The following CAGE1 variants were observed in gnomAD, a reference collection of about 807,000 sequenced individuals.
CAGE1 encodes cancer-associated gene 1 protein.
Under a neutral mutation model 94.9 loss-of-function variants are expected in CAGE1, and 66 were observed. The observed-to-expected ratio is 0.70, with a 90% CI of 0.57 to 0.85. The LOEUF is 0.85. Among genes scored for constraint, CAGE1 ranks in the 40% least tolerant of loss-of-function variants. CAGE1 has a pLI of 0.00. For missense variants in CAGE1, 865 were observed against 950.4 expected (o/e 0.91, Z 1.18); for synonymous variants, 319 against 321.0 (o/e 0.99, Z 0.07).
In CAGE1 at chr6:7,365,787, G is replaced by A; in HGVS notation, c.2085+17C>T. The A allele has an allele frequency of 6.9e-7, 1 of 1,449,482 alleles. No homozygotes were observed. Among genetic ancestry groups the A allele is most frequent in the Non-Finnish European group, 9.4e-7 (1 of 1,065,314 alleles). The allele number at this position is 1,449,482 out of a possible 1,614,324, so 89.8% of individuals were successfully genotyped here. ...ATTTTTATGTTAAAGATAGTACGTAGTAAATATTAAGCTCACCTTAATAGC... is the reference window on the plus strand; with the variant it reads ...ATTTTTATGTTAAAGATAGTACGTAATAAATATTAAGCTCACCTTAATAGC... On this transcript the variant is annotated intron_variant, in intron 8 of 13. Transcript: ENST00000502583.
In CAGE1 at chr6:7,339,621, T is replaced by TGTGTCCTCA. The variant is rs1322700822; in HGVS notation, c.2370-5540_2370-5532dup. On this transcript the variant is annotated intron_variant, in intron 11 of 13. Transcript: ENST00000502583. This position sits in a 1 kb window ranked among gnomAD's most constrained non-coding sequence, Gnocchi z 4.7. Reference sequence around the variant, plus strand: ...AGGCACTGTATCATTCTTATGCCTTTGTGTCCTCATAGCTTAGCTCCCACT... The same window carrying TGTGTCCTCA: ...AGGCACTGTATCATTCTTATGCCTTTGTGTCCTCAGTGTCCTCATAGCTTAGCTCCCACT... 5 of 669,060 alleles carry TGTGTCCTCA rather than the reference T, an allele frequency of 7.5e-6. No individual in the cohort carries two copies. Among genetic ancestry groups the TGTGTCCTCA allele is most frequent in the Non-Finnish European group, 1.4e-5 (5 of 368,004 alleles). 41.4% of individuals were successfully genotyped at this position (669,060 alleles called of 1,614,324 possible).
At chr6:7,358,047 T>C (rs1214563720) in intron 9 of CAGE1, among the ~76,000 whole-genome samples, 1 of 114,718 alleles carries the variant, frequency 8.7e-6, no homozygotes, top group Admixed American at 8.7e-5. Context: ...TATATATATA[T>C]ATATATATAT....
chr6:7,350,030 G>C (rs1360844737), intron 11 of CAGE1, among the ~76,000 whole-genome samples: 1 of 151,820 alleles, frequency 6.6e-6, no homozygotes, highest in Non-Finnish European at 1.5e-5. Context: ...AACACATAAG[G>C]ACTCACATAA....
chr6:7,337,275 C>T (rs949160979), intron 11 of CAGE1, among the ~76,000 whole-genome samples: 21 of 140,716 alleles, frequency 1.5e-4, no homozygotes, highest in African/African-American at 5.3e-4. Flanking sequence ...TGCAGTGAGC[C>T]AAGATTGCAC....
At chr6:7,356,717 C>T (rs1398526902) in intron 9 of CAGE1, among the ~76,000 whole-genome samples, 1 of 152,104 alleles carries the variant, frequency 6.6e-6, no homozygotes, top group African/African-American at 2.4e-5. Flanking sequence ...CTAGCAGTTA[C>T]CTTAATTTTC....
chr6:7,358,989 T>C (rs576572289), intron 9 of CAGE1, among the ~76,000 whole-genome samples: 2 of 152,310 alleles, frequency 1.3e-5, no homozygotes, highest in South Asian at 4.1e-4. Flanking sequence ...GTATAGTCAG[T>C]CTTTTTAATT....
rs1326890932 is a variant in CAGE1 at position 7,373,698 on chromosome 6, T to C, written c.1121A>G (p.Glu374Gly). The change falls in exon 5 of 14, where the codon GAG becomes GGG. Residue 374 changes from glutamate (E) to glycine (G), a missense_variant. By Grantham distance (98) the Glu-to-Gly change is moderately conservative. Coordinates refer to ENST00000502583, the MANE Select transcript of CAGE1 (RefSeq NM_001170692.2). The stretch of plus-strand genomic sequence containing the variant: ...CAATGTCTTTTTAGTATCATTCTTC[T>C]CTAGGATTATTTTGTATTTGTCTTC... ...LIEDKYKIIL[E>G]KNDTKKTLQN... 2 of 1,612,956 alleles carry C rather than the reference T, an allele frequency of 1.2e-6. No homozygotes were observed. Among genetic ancestry groups the C allele is most frequent in the Non-Finnish European group, 1.7e-6 (2 of 1,179,224 alleles).
intron 13 of CAGE1, among the ~76,000 whole-genome samples, chr6:7,328,384 A>C (rs1201474785): frequency 6.6e-6 from 1 of 152,164 alleles, no homozygotes; most frequent in Non-Finnish European, 1.5e-5. Flanking sequence ...GGAGGAAGCA[A>C]GTCAGTTCCA....
At chr6:7,379,790 G>A (rs913863517) in intron 3 of CAGE1, among the ~76,000 whole-genome samples, 1 of 152,014 alleles carries the variant, frequency 6.6e-6, no homozygotes, top group Admixed American at 6.6e-5. Flanking sequence ...AAAGAATAAA[G>A]TTCCCAGATT....
intron 12 of CAGE1, among the ~76,000 whole-genome samples, chr6:7,332,719 C>T (rs529321133): frequency 3.3e-5 from 5 of 152,290 alleles, no homozygotes; most frequent in South Asian, 2.1e-4. Flanking sequence ...ACTCATGACA[C>T]GACAGATTCG....
intron 11 of CAGE1, chr6:7,338,850 T>C: frequency 7.6e-7 from 1 of 1,317,370 alleles, no homozygotes. Flanking sequence ...TATGCTGTGG[T>C]GACTGAGGGC....
rs997948460 is a variant in CAGE1 at position 7,339,160 on chromosome 6, C to T, written c.2370-5070G>A. ...TGTCCTCAGAGTTTCCCAGACACCA[C>T]GACCTCACAGCCTTTGGCCCCAGTT... On this transcript the variant is annotated intron_variant, in intron 11 of 13. Transcript: ENST00000502583. This position sits in a 1 kb window ranked among gnomAD's most constrained non-coding sequence, Gnocchi z 4.7. 76 of 1,519,064 alleles carry T rather than the reference C, an allele frequency of 5.0e-5. 1 individual carries two copies. The South Asian group carries it at 6.5e-4, about 13-fold the overall frequency. 94.1% of individuals were successfully genotyped at this position (1,519,064 alleles called of 1,614,324 possible).
intron 11 of CAGE1, chr6:7,338,904 G>C: frequency 6.6e-7 from 1 of 1,522,780 alleles, no homozygotes; most frequent in Non-Finnish European, 8.8e-7. Context: ...TCTGAGATGG[G>C]GGTGGTGGGC....
At chr6:7,340,410 T>A (rs145888784) in intron 11 of CAGE1, among the ~76,000 whole-genome samples, 125 of 152,256 alleles carry the variant, frequency 8.2e-4, no homozygotes, top group African/African-American at 2.8e-3. Context: ...CGCAGAAACT[T>A]TTAATTAAGT....
At chr6:7,346,706 C>T (rs1759555652) in intron 11 of CAGE1, among the ~76,000 whole-genome samples, 1 of 151,782 alleles carries the variant, frequency 6.6e-6, no homozygotes, top group Non-Finnish European at 1.5e-5. Context: ...AAAAAATAGC[C>T]AGGTGTGGTA....
intron 11 of CAGE1, among the ~76,000 whole-genome samples, chr6:7,353,387 C>T (rs1261318031): frequency 6.6e-6 from 1 of 152,036 alleles, no homozygotes; most frequent in Non-Finnish European, 1.5e-5. Context: ...AATCAAAAAA[C>T]AGTAGATGTT....
rs45437691 is a variant in CAGE1 at position 7,378,745 on chromosome 6, G to A, written c.559C>T (p.Pro187Ser). 3.6e-3 allele frequency: 5,794 copies of A among 1,613,930 alleles called. 14 individuals carry two copies. The highest frequency in any genetic ancestry group is 4.0e-3 in the Non-Finnish European group (4,748 of 1,179,860). The change falls in exon 4 of 14, where the codon CCT becomes TCT. Residue 187 changes from proline (P) to serine (S), a missense_variant. Pro to Ser is a moderately conservative substitution (Grantham distance 74). Coordinates refer to ENST00000502583, the MANE Select transcript of CAGE1 (RefSeq NM_001170692.2). ...TGGATTAGAGGCGGGCTTCTAGGAG[G>A]AGGCTGTCTAAAATACTCGTTACCA... ...QLGNEYFRQP[P>S]PRSPPLIHCS... is the part of the protein sequence containing the mutation.
intron 4 of CAGE1, among the ~76,000 whole-genome samples, chr6:7,376,328 G>A (rs563569771): frequency 2.6e-5 from 4 of 152,078 alleles, no homozygotes; most frequent in Non-Finnish European, 5.9e-5. Context: ...GGCGGAGGTT[G>A]CAGTGAGCCA....
chr6:7,339,096 A>C lies in CAGE1; in HGVS notation c.2370-5006T>G. 6.3e-7 allele frequency: 1 copy of C among 1,593,812 alleles called. No homozygotes were observed. The highest frequency in any genetic ancestry group is 8.6e-7 in the Non-Finnish European group (1 of 1,162,342). On this transcript the variant is annotated intron_variant, in intron 11 of 13. Coordinates refer to ENST00000502583, the MANE Select transcript of CAGE1 (RefSeq NM_001170692.2). This position sits in a 1 kb window ranked among gnomAD's most constrained non-coding sequence, Gnocchi z 4.7. Reference sequence around the variant, plus strand: ...GTAGTTAACAGGGTCTCTGCTGTGGATCATCAGGCCGTCCACAAACTTCAT... The same window carrying C: ...GTAGTTAACAGGGTCTCTGCTGTGGCTCATCAGGCCGTCCACAAACTTCAT...
Sources: gnomAD v4.1 joint callset for allele counts (sites outside exome capture counted in the v4.1 genomes callset) on GRCh38, gnomAD v4.1.1 for gene constraint, Gnocchi (gnomAD v3.1) non-coding constraint, MANE v1.5 for transcripts, NCBI Gene and HGNC (gene_info 2026-07-23, HGNC 2026-07-21) for gene names.